Variants in TRPM3 observed in about 807,000 individuals in gnomAD.
TRPM3 encodes transient receptor potential cation channel subfamily M member 3.
TRPM3 carries 77 observed loss-of-function variants against 181.2 expected under a neutral mutation model. The ratio of observed to expected loss-of-function variants is 0.42; its 90% CI spans 0.35 to 0.51. The LOEUF (loss-of-function observed/expected upper bound fraction) is 0.51. TRPM3 is among the 20% of genes least tolerant of loss of function. The pLI, the probability that TRPM3 is intolerant of heterozygous loss-of-function variation, is 0.01. For missense variants in TRPM3, 1,759 were observed against 2,196.7 expected (o/e 0.80, Z 3.98); for synonymous variants, 745 against 796.4 (o/e 0.94, Z 1.09).
chr9:71,146,822 A>C (rs1449275783), intron 1 of TRPM3, among the ~76,000 whole-genome samples: 1 of 152,150 alleles, frequency 6.6e-6, no homozygotes, highest in African/African-American at 2.4e-5. Context: ...TGATTTCTCC[A>C]AACTTTGACC....
chr9:71,167,932 T>C (rs968720813), intron 1 of TRPM3, among the ~76,000 whole-genome samples: 2 of 152,184 alleles, frequency 1.3e-5, no homozygotes, highest in Non-Finnish European at 2.9e-5. Flanking sequence ...AATAGCTGTA[T>C]AATGTTATGA....
At chr9:70,974,466 G>A (rs187304159) in intron 1 of TRPM3, among the ~76,000 whole-genome samples, 1,613 of 152,228 alleles carry the variant, frequency 0.011, 27 homozygotes, top group African/African-American at 0.037. Flanking sequence ...GTGAACCCGG[G>A]AGGCGGAGCT....
intron 6 of TRPM3, chr9:70,826,438 C>T (rs371784619): frequency 6.6e-6 from 1 of 152,094 alleles, no homozygotes. Flanking sequence ...AAGGAAATTT[C>T]GTAATATAAT....
At chr9:71,063,344 T>C (rs1365188151) in intron 1 of TRPM3, among the ~76,000 whole-genome samples, 3 of 152,146 alleles carry the variant, frequency 2.0e-5, no homozygotes, top group Non-Finnish European at 1.5e-5. Flanking sequence ...TAAATATTTA[T>C]TGGGTACCTA....
At chr9:70,803,238 C>T (rs1588565572) in intron 6 of TRPM3, among the ~76,000 whole-genome samples, 1 of 151,944 alleles carries the variant, frequency 6.6e-6, no homozygotes, top group African/African-American at 2.4e-5. Context: ...TCTCTTCCTA[C>T]TTGGCCCGTC....
chr9:71,048,722 A>T (rs1452292521), intron 1 of TRPM3, among the ~76,000 whole-genome samples: 4 of 152,184 alleles, frequency 2.6e-5, no homozygotes, highest in Non-Finnish European at 5.9e-5. Flanking sequence ...GACATGAAAA[A>T]TTGCAGGAAA....
intron 8 of TRPM3, among the ~76,000 whole-genome samples, chr9:70,697,750 A>G (rs1187803765): frequency 1.3e-5 from 2 of 152,202 alleles, no homozygotes; most frequent in Non-Finnish European, 2.9e-5. Flanking sequence ...AAGAGTAATT[A>G]TCAGTATAAT....
chr9:71,231,515 C>T (rs966020088), intron 1 of TRPM3, among the ~76,000 whole-genome samples: 1 of 152,154 alleles, frequency 6.6e-6, no homozygotes, highest in Admixed American at 6.5e-5. Flanking sequence ...CTCCAGAATT[C>T]TGAGAGAACA....
At chr9:71,148,947 T>C (rs887398027) in intron 1 of TRPM3, among the ~76,000 whole-genome samples, 2 of 152,210 alleles carry the variant, frequency 1.3e-5, no homozygotes, top group African/African-American at 2.4e-5. Context: ...TGTAGGCTGA[T>C]AGCCTTTCTT....
chr9:70,847,037 G>A (rs976680098), intron 3 of TRPM3, among the ~76,000 whole-genome samples: 2 of 152,084 alleles, frequency 1.3e-5, no homozygotes, highest in African/African-American at 2.4e-5. Flanking sequence ...TCTACATAAT[G>A]TAATGAGAGT....
At chr9:71,240,035 T>C (rs1332906127) in intron 1 of TRPM3, among the ~76,000 whole-genome samples, 44 of 152,182 alleles carry the variant, frequency 2.9e-4, no homozygotes, top group African/African-American at 7.2e-5. Context: ...TTTATTCGCT[T>C]GAAAGGTTTC....
intron 1 of TRPM3, among the ~76,000 whole-genome samples, chr9:71,043,308 G>C (rs905004582): frequency 6.6e-6 from 1 of 152,138 alleles, no homozygotes; most frequent in African/African-American, 2.4e-5. Flanking sequence ...GTTGAAATTG[G>C]GGGCAGTTTC....
intron 1 of TRPM3, among the ~76,000 whole-genome samples, chr9:70,874,688 T>C (rs2132610241): frequency 6.6e-6 from 1 of 152,104 alleles, no homozygotes; most frequent in Non-Finnish European, 1.5e-5. Flanking sequence ...TAGGTAGAAA[T>C]GTGGAATTTA....
intron 1 of TRPM3, among the ~76,000 whole-genome samples, chr9:71,409,805 A>C (rs1455828563): frequency 6.6e-6 from 1 of 152,190 alleles, no homozygotes; most frequent in Non-Finnish European, 1.5e-5. Flanking sequence ...CAGAATATAC[A>C]TACCTCTCAG....
intron 1 of TRPM3, among the ~76,000 whole-genome samples, chr9:71,016,646 T>C (rs2134442024): frequency 6.6e-6 from 1 of 152,336 alleles, no homozygotes; most frequent in East Asian, 1.9e-4. Context: ...CCACATTTTG[T>C]TTATCCATTT....
At chr9:71,380,935 G>A (rs974986905) in intron 1 of TRPM3, among the ~76,000 whole-genome samples, 1 of 149,812 alleles carries the variant, frequency 6.7e-6, no homozygotes. Context: ...AAATGAAGAC[G>A]ACGACAAAAT....
chr9:70,782,199 AT>A (rs11341566), intron 7 of TRPM3, among the ~76,000 whole-genome samples: 61,433 of 149,608 alleles, frequency 0.41, 12,975 homozygotes, highest in African/African-American at 0.52. Context: ...ACCTTGGTTA[AT>A]TTTTTTTTTC....
At chr9:71,256,944 C>T (rs774389666) in intron 1 of TRPM3, among the ~76,000 whole-genome samples, 7 of 152,076 alleles carry the variant, frequency 4.6e-5, no homozygotes, top group South Asian at 2.1e-4. Flanking sequence ...CATATTATAA[C>T]GTCTTGGATA....
chr9:71,034,642 A>G (rs989753097), intron 1 of TRPM3, among the ~76,000 whole-genome samples: 9 of 151,476 alleles, frequency 5.9e-5, no homozygotes, highest in Non-Finnish European at 1.2e-4. Context: ...GACTCTGTGC[A>G]TTTCTTCCCA....
Sources: allele counts gnomAD v4.1 joint callset (sites outside exome capture counted in the v4.1 genomes callset), GRCh38; gene constraint gnomAD v4.1.1; transcripts MANE v1.5; gene names NCBI Gene and HGNC (gene_info 2026-07-23, HGNC 2026-07-21).